The following SI variants were observed in gnomAD, a reference collection of about 807,000 sequenced individuals.
The protein encoded by SI is sucrase-isomaltase.
SI carries 235 observed loss-of-function variants against 253.3 expected under a neutral mutation model. The observed-to-expected ratio is 0.93, with a 90% confidence interval of 0.83 to 1.03. SI has a LOEUF of 1.03. Among genes scored for constraint, SI ranks in the 50% least tolerant of loss-of-function variants. The probability of loss-of-function intolerance (pLI) is 0.00; values close to 1 mark genes in which losing one functional copy is unlikely to be tolerated. For synonymous variants in SI, 819 were observed against 712.0 expected, an observed-to-expected ratio of 1.15 and a Z score of -2.39; for missense variants, 2,442 against 2,211.1, an observed-to-expected ratio of 1.10 and a Z score of -2.09.
intron 47 of SI, among the ~76,000 whole-genome samples, chr3:164,980,400 A>G (rs1371245130): frequency 6.6e-6 from 1 of 151,980 alleles, no homozygotes; most frequent in Non-Finnish European, 1.5e-5. Context: ...AATCAGCTGG[A>G]CATAATTGTT....
At chr3:165,042,980 C>T (rs1712920654) in intron 17 of SI, 79 bp downstream of exon 17, 1 of 873,562 alleles carries the variant, frequency 1.1e-6, no homozygotes, top group Admixed American at 1.7e-5. Context: ...ACCATATACT[C>T]TATAGATTTA....
intron 22 of SI, among the ~76,000 whole-genome samples, chr3:165,035,564 G>T (rs1302776834): frequency 6.6e-6 from 1 of 151,316 alleles, no homozygotes; most frequent in Non-Finnish European, 1.5e-5. Flanking sequence ...TACATTTAAA[G>T]GCATTTAGGA....
chr3:165,036,463 A>T lies in SI; in HGVS notation c.2441T>A (p.Leu814Gln). 2 of 1,610,826 alleles carry T rather than the reference A, an allele frequency of 1.2e-6. No individual in the cohort carries two copies. Among genetic ancestry groups the T allele is most frequent in the South Asian group, 1.1e-5 (1 of 91,046 alleles). Residue 814 changes from leucine to glutamine, a missense_variant, in exon 22 of 48, where the codon CTA (leucine) becomes CAA (glutamine). Transcript: ENST00000264382. ...VTTTASRKNP[L>Q]GLIVALGENN... ...TTCACCTAATGCGACTATAAGTCCT[A>T]GAGGATTCTTACGGCTGTTAAGAAA...
chr3:165,082,189 C>G (rs1715358239), upstream of SI, among the ~76,000 whole-genome samples: 1 of 151,928 alleles, frequency 6.6e-6, no homozygotes, highest in Non-Finnish European at 1.5e-5. Context: ...CAATTGATAT[C>G]TTTACATCTC....
chr3:165,074,807 AG>A lies in SI; in HGVS notation c.119-141del, dbSNP rs1386942777. 13 of 679,462 alleles carry A rather than the reference AG, an allele frequency of 1.9e-5. No homozygotes were observed. In the Admixed American group the frequency reaches 3.2e-4, roughly 17 times the overall value. The allele number at this position is 679,462 out of a possible 1,614,324, so 42.1% of individuals were successfully genotyped here. On this transcript the variant is annotated intron_variant, in intron 2 of 47. Coordinates refer to ENST00000264382, the MANE Select transcript of SI (RefSeq NM_001041.4). The stretch of plus-strand genomic sequence containing the variant: ...TTTAAAATAAATTTTGCATTTAAAA[AG>A]ACCCACAATTTCAAGCACTAGTCAT...
intron 37 of SI, 87 bp downstream of exon 37, chr3:165,006,729 G>A: frequency 1.7e-6 from 2 of 1,157,034 alleles, no homozygotes; most frequent in South Asian, 1.3e-5. Flanking sequence ...TACAAGAGAA[G>A]ATTGTCGGGA....
intron 45 of SI, among the ~76,000 whole-genome samples, chr3:164,986,717 T>C (rs1463321552): frequency 6.6e-6 from 1 of 152,196 alleles, no homozygotes; most frequent in African/African-American, 2.4e-5. Context: ...CTGTGACCCT[T>C]ATGATAAATG....
intron 12 of SI, among the ~76,000 whole-genome samples, chr3:165,057,612 A>G (rs1378141803): frequency 6.6e-6 from 1 of 152,036 alleles, no homozygotes; most frequent in Non-Finnish European, 1.5e-5. Flanking sequence ...AATAACATAC[A>G]AAGGAGCTCC....
At chr3:165,073,657 G>A (rs1173508055) in intron 3 of SI, among the ~76,000 whole-genome samples, 2 of 151,912 alleles carry the variant, frequency 1.3e-5, no homozygotes, top group South Asian at 4.1e-4. Context: ...AATATATAGA[G>A]TCAGCCCTCT....
chr3:165,056,543 C>T (rs536006976), intron 12 of SI, among the ~76,000 whole-genome samples: 1 of 152,202 alleles, frequency 6.6e-6, no homozygotes, highest in South Asian at 2.1e-4. Context: ...GCATACACCA[C>T]CCCTCTCACA....
intron 38 of SI, among the ~76,000 whole-genome samples, chr3:164,997,840 A>G (rs1480463228): frequency 2.0e-5 from 3 of 151,752 alleles, no homozygotes; most frequent in African/African-American, 7.3e-5. Context: ...ATGGCTGTAT[A>G]TATTCCATGG....
chr3:164,995,974 C>T (rs1717990660), intron 40 of SI, among the ~76,000 whole-genome samples: 1 of 151,778 alleles, frequency 6.6e-6, no homozygotes, highest in Non-Finnish European at 1.5e-5. Flanking sequence ...TTCTAAATTG[C>T]ATTATTGACA....
Position 165,021,257 on chromosome 3 carries a change from T to C in SI, c.3226A>G (p.Ile1076Val). 1 of 1,611,298 alleles carries C rather than the reference T, an allele frequency of 6.2e-7. No homozygotes were observed. Among genetic ancestry groups the C allele is most frequent in the Non-Finnish European group, 8.5e-7 (1 of 1,178,058 alleles). Residue 1076 changes from isoleucine to valine, a missense_variant, in exon 27 of 48, where the codon ATT becomes GTT. Ile to Val is a conservative substitution (Grantham distance 29). Transcript: ENST00000264382. The stretch of plus-strand genomic sequence containing the variant: ...ACTCTTCCACTGCTTCTCCGTCGAA[T>C]CTGGATGCCAAAAGGATTTTCCTTG... ...EIKENPFGIQ[I>V]RRRSSGRVIW...
chr3:164,986,807 C>T (rs1717461425), intron 45 of SI, among the ~76,000 whole-genome samples: 1 of 152,116 alleles, frequency 6.6e-6, no homozygotes, highest in Non-Finnish European at 1.5e-5. Flanking sequence ...GCTAAGTTAA[C>T]TTTACATATA....
intron 44 of SI, 27 bp downstream of exon 44, chr3:164,991,326 C>T (rs1717725211): frequency 6.2e-7 from 1 of 1,613,322 alleles, no homozygotes; most frequent in Non-Finnish European, 8.5e-7. Context: ...CAAAATTTAA[C>T]CTGAGCTTTG....
intron 12 of SI, among the ~76,000 whole-genome samples, chr3:165,057,728 A>G (rs1286235433): frequency 6.6e-6 from 1 of 151,848 alleles, no homozygotes; most frequent in Non-Finnish European, 1.5e-5. Context: ...CTTTTATCTT[A>G]GTAGACTACA....
chr3:165,087,693 G>T, the SI span, among the ~76,000 whole-genome samples: 1 of 152,064 alleles, frequency 6.6e-6, no homozygotes, highest in African/African-American at 2.4e-5. Context: ...TTTTACCTCA[G>T]GCTCCACTAT....
intron 20 of SI, among the ~76,000 whole-genome samples, chr3:165,038,687 C>T (rs979873438): frequency 6.6e-6 from 1 of 151,762 alleles, no homozygotes; most frequent in Admixed American, 6.6e-5. Context: ...TTTGAATATA[C>T]CATATAAAAA....
At chr3:164,981,195 C>T (rs1476825810) in intron 47 of SI, among the ~76,000 whole-genome samples, 1 of 151,920 alleles carries the variant, frequency 6.6e-6, no homozygotes, top group Non-Finnish European at 1.5e-5. Context: ...TTTATATTTC[C>T]TATTCTTGAT....
Sources: allele counts gnomAD v4.1 joint callset (sites outside exome capture counted in the v4.1 genomes callset), GRCh38; gene constraint gnomAD v4.1.1; transcripts MANE v1.5; gene names NCBI Gene and HGNC (gene_info 2026-07-23, HGNC 2026-07-21).